The following FAM53B variants were observed in gnomAD, a reference collection of about 807,000 sequenced individuals.
FAM53B encodes the protein family with sequence similarity 53 member B.
FAM53B carries 12 observed loss-of-function variants against 32.7 expected under a neutral mutation model. The ratio of observed to expected loss-of-function variants is 0.37; its 90% confidence interval spans 0.24 to 0.59. FAM53B has a LOEUF of 0.59. FAM53B is among the 20% of genes least tolerant of loss of function. FAM53B has a pLI of 0.72. For synonymous variants in FAM53B, 234 were observed against 228.7 expected (o/e 1.02, Z -0.21); for missense variants, 477 against 577.7 (o/e 0.83, Z 1.79).
In FAM53B at chr10:124,639,752, A is replaced by G. The variant is rs148322872; in HGVS notation, c.907-16148T>C. Among the ~76,000 whole-genome samples, 251 of 152,164 alleles carry G rather than the reference A, an allele frequency of 1.6e-3. 1 individual carries two copies. The highest frequency in any genetic ancestry group is 5.8e-3 in the African/African-American group (241 of 41,506). Reference sequence around the variant, plus strand: ...CAGAATATACAAACACAGCGCCCGCATCCCAGAGTGCCTAGCTGCGTCTGA... The same window carrying G: ...CAGAATATACAAACACAGCGCCCGCGTCCCAGAGTGCCTAGCTGCGTCTGA... On this transcript the variant is annotated intron_variant, in intron 4 of 4. Coordinates refer to ENST00000337318, the MANE Select transcript of FAM53B (RefSeq NM_014661.4).
In FAM53B at chr10:124,735,770, C is replaced by T. The variant is rs561264367; in HGVS notation, c.-175+8243G>A. 4.1e-3 allele frequency among the ~76,000 whole-genome samples: 527 copies of T among 128,630 alleles called. 4 individuals carry two copies. Among genetic ancestry groups the T allele is most frequent in the South Asian group, 7.1e-3 (30 of 4,234 alleles). The allele number at this position is 128,630 out of a possible 152,430, so 84.4% of individuals were successfully genotyped here. ...GTGTGGTCTCACTCAGGGCCCCGAA[C>T]CTATGGGCTGGCTGGGGGTGCTGTC... On this transcript the variant is annotated intron_variant, in intron 1 of 4. Coordinates refer to ENST00000337318, the MANE Select transcript of FAM53B (RefSeq NM_014661.4).
intron 1 of FAM53B, among the ~76,000 whole-genome samples, chr10:124,726,669 C>T (rs1368120734): frequency 1.3e-5 from 2 of 152,184 alleles, no homozygotes; most frequent in East Asian, 3.8e-4. Context: ...GAACAGCTGC[C>T]ATACGAAGAG....
chr10:124,741,038 A>T (rs1050282434), intron 1 of FAM53B, among the ~76,000 whole-genome samples: 3 of 152,242 alleles, frequency 2.0e-5, no homozygotes, highest in Non-Finnish European at 4.4e-5. Flanking sequence ...ATTCTCCCCT[A>T]AAGTTAAATC....
intron 4 of FAM53B, among the ~76,000 whole-genome samples, chr10:124,681,096 C>T (rs780694194): frequency 2.5e-4 from 38 of 152,188 alleles, no homozygotes; most frequent in Non-Finnish European, 4.6e-4. Context: ...GGATATTGAT[C>T]ACAACATCCT....
intron 4 of FAM53B, among the ~76,000 whole-genome samples, chr10:124,674,500 G>A (rs1949725631): frequency 6.6e-6 from 1 of 152,244 alleles, no homozygotes; most frequent in African/African-American, 2.4e-5. Context: ...TGTCCAGGAT[G>A]AGGATGGGGC....
In FAM53B at chr10:124,706,980, G is replaced by A. The variant is rs571813163; in HGVS notation, c.-174-93C>T. On this transcript the variant is annotated intron_variant, in intron 1 of 4. Coordinates refer to ENST00000337318, the MANE Select transcript of FAM53B (RefSeq NM_014661.4). Reference sequence around the variant, plus strand: ...TCCCACAGTACTGGAAATCCCAGGGGACTGGAACCACCTCTCTGCTAAAGG... The same window carrying A: ...TCCCACAGTACTGGAAATCCCAGGGAACTGGAACCACCTCTCTGCTAAAGG... 6.3e-4 allele frequency: 747 copies of A among 1,179,868 alleles called. 1 individual carries two copies. The highest frequency in any genetic ancestry group is 8.5e-4 in the Admixed American group (27 of 31,858). The allele number at this position is 1,179,868 out of a possible 1,614,324, so 73.1% of individuals were successfully genotyped here. A position where few individuals can be genotyped will look rare whatever the true frequency, so the allele number is the denominator to read the frequency against.
At position 124,622,955 on chromosome 10, in the gene FAM53B, C is replaced by G; in HGVS notation, c.*287G>C. 1 of 380,448 alleles carries G rather than the reference C, an allele frequency of 2.6e-6. No homozygotes were observed. Among genetic ancestry groups the G allele is most frequent in the South Asian group, 4.7e-5 (1 of 21,356 alleles). 23.6% of individuals were successfully genotyped at this position (380,448 alleles called of 1,614,324 possible). ...GCCCAACATCCCACAGGGAAAGAGG[C>G]AGAAAAGACGCAAACTTCAAAGCTG... On this transcript the variant is annotated 3_prime_UTR_variant, in exon 5 of 5. Coordinates refer to ENST00000337318, the MANE Select transcript of FAM53B (RefSeq NM_014661.4).
chr10:124,669,294 C>T (rs988097640), intron 4 of FAM53B, among the ~76,000 whole-genome samples: 5 of 152,206 alleles, frequency 3.3e-5, no homozygotes, highest in African/African-American at 7.2e-5. Flanking sequence ...CCTTCTCCCT[C>T]GTGTCCCGGA....
rs537004168 is a variant in FAM53B, at chr10:124,639,651, A to T, written c.907-16047T>A. ...TTTCCCAGGGACACACCTCAACATA[A>T]CTATGAATTTTCTGATAGGCTTTTC... On this transcript the variant is annotated intron_variant, in intron 4 of 4. Transcript: ENST00000337318. Among the ~76,000 whole-genome samples, 4 of 152,222 alleles carry T rather than the reference A, an allele frequency of 2.6e-5. No homozygotes were observed. The South Asian group carries it at 6.2e-4, about 24-fold the overall frequency.
In FAM53B at chr10:124,619,437, C is replaced by A. The variant is rs532514490; in HGVS notation, c.*3805G>T. Reference sequence around the variant, plus strand: ...GCAGACCCTGGGCCCCGGGTCTACGCTTTCTGGTCGCCACACTTCCTGAAG... The same window carrying A: ...GCAGACCCTGGGCCCCGGGTCTACGATTTCTGGTCGCCACACTTCCTGAAG... On this transcript the variant is annotated 3_prime_UTR_variant, in exon 5 of 5. Transcript: ENST00000337318. The A allele has an allele frequency of 1.3e-5, 2 of 152,662 alleles. No homozygotes were observed. Among genetic ancestry groups the A allele is most frequent in the Admixed American group, 6.5e-5 (1 of 15,306 alleles). 9.5% of individuals were successfully genotyped at this position (152,662 alleles called of 1,614,324 possible). A position where few individuals can be genotyped will look rare whatever the true frequency, so the allele number is the denominator to read the frequency against.
At chr10:124,687,760 T>C (rs1358708106) in intron 3 of FAM53B, among the ~76,000 whole-genome samples, 1 of 152,188 alleles carries the variant, frequency 6.6e-6, no homozygotes, top group Non-Finnish European at 1.5e-5. Context: ...TGGGTAGGCA[T>C]TTGCATCTTA....
chr10:124,620,361 C>CCG lies in FAM53B; in HGVS notation c.*2880_*2881insCG, dbSNP rs1368046016. 1.4e-5 allele frequency: 2 copies of CCG among 145,082 alleles called. No individual in the cohort carries two copies. Among genetic ancestry groups the CCG allele is most frequent in the Admixed American group, 1.4e-4 (2 of 14,752 alleles). 9.0% of individuals were successfully genotyped at this position (145,082 alleles called of 1,614,324 possible). On this transcript the variant is annotated 3_prime_UTR_variant, in exon 5 of 5. Coordinates refer to ENST00000337318, the MANE Select transcript of FAM53B (RefSeq NM_014661.4). ...GGGGTGCATGTGGCACTAAGCCCCC[C>CCG]CCACCGCCCCGGCTTTCCTGCAGGC...
chr10:124,700,027 G>T (rs2134080666), intron 2 of FAM53B, among the ~76,000 whole-genome samples: 2 of 152,336 alleles, frequency 1.3e-5, no homozygotes, highest in South Asian at 4.1e-4. Flanking sequence ...TTTCGTGCTT[G>T]ACCTCAAGAC....
At chr10:124,742,204 GAC>G (rs920493402) in intron 1 of FAM53B, among the ~76,000 whole-genome samples, 4 of 152,198 alleles carry the variant, frequency 2.6e-5, no homozygotes, top group African/African-American at 9.7e-5. Context: ...GCCAAGTGCA[GAC>G]ACAGAGTCAA....
At chr10:124,687,820 T>C (rs935115426) in intron 3 of FAM53B, among the ~76,000 whole-genome samples, 4 of 152,232 alleles carry the variant, frequency 2.6e-5, no homozygotes, top group Non-Finnish European at 4.4e-5. Context: ...AATGCTGTTC[T>C]GGAAAGCAGA....
intron 4 of FAM53B, among the ~76,000 whole-genome samples, chr10:124,632,428 G>T (rs1386057380): frequency 6.6e-6 from 1 of 152,254 alleles, no homozygotes; most frequent in Non-Finnish European, 1.5e-5. Flanking sequence ...TCTGGCGGGG[G>T]GCCGAGGCTA....
intron 1 of FAM53B, among the ~76,000 whole-genome samples, chr10:124,743,504 C>G (rs1950212260): frequency 6.6e-6 from 1 of 152,196 alleles, no homozygotes; most frequent in African/African-American, 2.4e-5. Flanking sequence ...CGCCGCCTCG[C>G]TCCCGCACCC....
At chr10:124,653,281 T>G (rs1291716371) in intron 4 of FAM53B, among the ~76,000 whole-genome samples, 1 of 152,232 alleles carries the variant, frequency 6.6e-6, no homozygotes, top group Non-Finnish European at 1.5e-5. Context: ...GGAGGTAATG[T>G]CCTCCAGATT....
intron 4 of FAM53B, among the ~76,000 whole-genome samples, chr10:124,658,234 C>T (rs1456092399): frequency 6.6e-6 from 1 of 152,196 alleles, no homozygotes; most frequent in South Asian, 2.1e-4. Context: ...ATAGGGATCC[C>T]GCTTGGCAAA....
Sources: allele counts gnomAD v4.1 joint callset (sites outside exome capture counted in the v4.1 genomes callset), GRCh38; gene constraint gnomAD v4.1.1; transcripts MANE v1.5; gene names NCBI Gene and HGNC (gene_info 2026-07-23, HGNC 2026-07-21).